Variants in DGKB observed in about 807,000 individuals in gnomAD.
DGKB encodes diacylglycerol kinase beta.
A neutral mutation model predicts 114.3 loss-of-function variants in DGKB; 67 were observed. That is an observed-to-expected ratio of 0.59 (90% CI 0.48 to 0.72). DGKB has a LOEUF of 0.72. Ranked by LOEUF, DGKB falls within the 30% of genes least tolerant of loss-of-function variation. The probability of loss-of-function intolerance (pLI) is 0.00; values close to 1 mark genes in which losing one functional copy is unlikely to be tolerated. For synonymous variants in DGKB, 398 were observed against 323.1 expected, an observed-to-expected ratio of 1.23 and a Z score of -2.49; for missense variants, 907 against 975.2, an observed-to-expected ratio of 0.93 and a Z score of 0.93.
intron 23 of DGKB, among the ~76,000 whole-genome samples, chr7:14,184,214 C>G (rs1783061572): frequency 6.6e-6 from 1 of 152,082 alleles, no homozygotes; most frequent in African/African-American, 2.4e-5. Context: ...ACCAGAGGAG[C>G]AGGGGGTAAA....
At chr7:14,888,673 C>A (rs1387508646) in intron 1 of DGKB, among the ~76,000 whole-genome samples, 1 of 151,704 alleles carries the variant, frequency 6.6e-6, no homozygotes, top group Non-Finnish European at 1.5e-5. Context: ...TTTGTTAATT[C>A]TTCAAAGTTT....
At chr7:14,293,784 A>C (rs897809256) in intron 23 of DGKB, among the ~76,000 whole-genome samples, 2 of 152,124 alleles carry the variant, frequency 1.3e-5, no homozygotes, top group African/African-American at 4.8e-5. Context: ...AAACCCTCCA[A>C]TGGCTTCCTG....
chr7:14,485,238 G>C (rs1365993396), intron 20 of DGKB, among the ~76,000 whole-genome samples: 1 of 151,122 alleles, frequency 6.6e-6, no homozygotes, highest in African/African-American at 2.4e-5. Flanking sequence ...AGCACAGGTA[G>C]CAGCACCTGG....
intron 17 of DGKB, among the ~76,000 whole-genome samples, chr7:14,597,021 A>G (rs1199137462): frequency 1.3e-5 from 2 of 152,342 alleles, no homozygotes; most frequent in Non-Finnish European, 2.9e-5. Flanking sequence ...ATTGCCTTCA[A>G]GAGCATCTGC....
intron 20 of DGKB, among the ~76,000 whole-genome samples, chr7:14,531,400 C>A (rs945759373): frequency 6.6e-6 from 1 of 151,330 alleles, no homozygotes; most frequent in Non-Finnish European, 1.5e-5. Flanking sequence ...TTAACTATTT[C>A]TATATACTAG....
intron 20 of DGKB, among the ~76,000 whole-genome samples, chr7:14,507,150 T>G (rs557024571): frequency 1.3e-5 from 2 of 152,344 alleles, no homozygotes; most frequent in Non-Finnish European, 2.9e-5. Context: ...CTGCTTGTTG[T>G]TGCAGCATAA....
intron 1 of DGKB, among the ~76,000 whole-genome samples, chr7:14,954,802 A>C (rs924475937): frequency 3.9e-5 from 6 of 152,248 alleles, no homozygotes; most frequent in Non-Finnish European, 7.4e-5. Context: ...GGAGATAACC[A>C]GTAAATAGTT....
chr7:14,767,068 A>AT (rs1304035379), intron 2 of DGKB, among the ~76,000 whole-genome samples: 4 of 151,624 alleles, frequency 2.6e-5, no homozygotes, highest in African/African-American at 9.7e-5. Context: ...ATTCAAAAAC[A>AT]ATTTTTTGCC....
intron 21 of DGKB, among the ~76,000 whole-genome samples, chr7:14,387,030 A>G (rs887822354): frequency 6.6e-6 from 1 of 152,008 alleles, no homozygotes; most frequent in African/African-American, 2.4e-5. Flanking sequence ...CAGGGAGCTA[A>G]TTATTATATT....
chr7:14,469,989 A>G (rs1358060344), intron 21 of DGKB, among the ~76,000 whole-genome samples: 3 of 151,938 alleles, frequency 2.0e-5, no homozygotes, highest in African/African-American at 7.2e-5. Flanking sequence ...GCAAACCGTA[A>G]TTTAGTCATA....
intron 20 of DGKB, among the ~76,000 whole-genome samples, chr7:14,567,201 T>C (rs1449976022): frequency 3.7e-5 from 3 of 80,460 alleles, no homozygotes; most frequent in South Asian, 3.1e-4. Flanking sequence ...TTATATATTA[T>C]ATATATTATA....
intron 1 of DGKB, among the ~76,000 whole-genome samples, chr7:14,893,174 A>G (rs973103844): frequency 6.6e-6 from 1 of 151,040 alleles, no homozygotes; most frequent in Non-Finnish European, 1.5e-5. Context: ...CTGAACTCCT[A>G]CTCACTCAAC....
At chr7:14,906,833 A>T (rs2128242012), upstream of DGKB, among the ~76,000 whole-genome samples, 1 of 152,286 alleles carries the variant, frequency 6.6e-6, no homozygotes, top group African/African-American at 2.4e-5. Context: ...TTTTCAACAA[A>T]CATTTATTAA....
chr7:14,442,236 C>A (rs1830176471), intron 21 of DGKB, among the ~76,000 whole-genome samples: 1 of 151,766 alleles, frequency 6.6e-6, no homozygotes, highest in Admixed American at 6.6e-5. Flanking sequence ...GTTTTCATTT[C>A]TTTTGTTATC....
At chr7:14,693,933 C>T in intron 9 of DGKB, 142 bp downstream of exon 9, 1 of 839,022 alleles carries the variant, frequency 1.2e-6, no homozygotes, top group Non-Finnish European at 1.8e-6. Flanking sequence ...TCAAATTGCA[C>T]CGTGGCATAC....
chr7:14,768,114 A>G (rs2128465590), intron 2 of DGKB, among the ~76,000 whole-genome samples: 1 of 152,112 alleles, frequency 6.6e-6, no homozygotes, highest in African/African-American at 2.4e-5. Flanking sequence ...TTATTTGCTC[A>G]CATACATATT....
upstream of DGKB, among the ~76,000 whole-genome samples, chr7:14,903,629 C>T (rs952352303): frequency 6.6e-6 from 1 of 152,140 alleles, no homozygotes; most frequent in African/African-American, 2.4e-5. Flanking sequence ...TGCTGCATTC[C>T]GGCTTGGTAA....
chr7:14,663,883 A>T (rs1817588036), intron 13 of DGKB, among the ~76,000 whole-genome samples: 1 of 151,936 alleles, frequency 6.6e-6, no homozygotes, highest in Non-Finnish European at 1.5e-5. Flanking sequence ...TTCTGAAAAG[A>T]GGCAGCTCAC....
chr7:14,973,538 C>G (rs10244531), intron 1 of DGKB, among the ~76,000 whole-genome samples: 11 of 119,096 alleles, frequency 9.2e-5, no homozygotes, highest in African/African-American at 1.3e-4. Context: ...TTTTTTTTTT[C>G]TTTTTTTTTT....
Sources: gnomAD v4.1 joint callset for allele counts (sites outside exome capture counted in the v4.1 genomes callset) on GRCh38, gnomAD v4.1.1 for gene constraint, MANE v1.5 for transcripts, NCBI Gene and HGNC (gene_info 2026-07-23, HGNC 2026-07-21) for gene names.